The following VSTM4 variants were observed in gnomAD, a reference collection of about 807,000 sequenced individuals.
The protein encoded by VSTM4 is V-set and transmembrane domain containing 4, also known as V-set and transmembrane domain-containing protein 4.
VSTM4 carries 20 observed loss-of-function variants against 36.4 expected under a neutral mutation model. The observed-to-expected ratio is 0.55, with a 90% confidence interval of 0.39 to 0.80. VSTM4 has a LOEUF of 0.80. VSTM4 is among the 30% of genes least tolerant of loss of function. VSTM4 has a pLI of 0.00. For synonymous variants in VSTM4, 182 were observed against 173.9 expected, an observed-to-expected ratio of 1.05 and a Z score of -0.37; for missense variants, 392 against 404.5, an observed-to-expected ratio of 0.97 and a Z score of 0.26.
intron 4 of VSTM4, among the ~76,000 whole-genome samples, chr10:49,075,299 C>T (rs1282023372): frequency 6.6e-6 from 1 of 152,082 alleles, no homozygotes; most frequent in African/African-American, 2.4e-5. Context: ...CGATCATGCC[C>T]CTGAGCCCAG....
At chr10:49,029,043 C>T (rs1428492846) in intron 7 of VSTM4, among the ~76,000 whole-genome samples, 6 of 152,228 alleles carry the variant, frequency 3.9e-5, no homozygotes, top group Non-Finnish European at 7.3e-5. Context: ...CTAACAACAG[C>T]CACTGCACAT....
chr10:49,114,399 G>C (rs1410549595), intron 1 of VSTM4, among the ~76,000 whole-genome samples: 2 of 152,164 alleles, frequency 1.3e-5, no homozygotes, highest in East Asian at 3.8e-4. Flanking sequence ...TGGCAACACA[G>C]TTTAGTGGTT....
At chr10:49,053,445 A>G (rs945886255) in intron 5 of VSTM4, among the ~76,000 whole-genome samples, 15 of 152,150 alleles carry the variant, frequency 9.9e-5, no homozygotes, top group African/African-American at 3.6e-4. Flanking sequence ...TTCTACTTTG[A>G]CCAGAGAGGT....
chr10:49,109,118 C>T (rs1473157049), intron 1 of VSTM4, among the ~76,000 whole-genome samples: 2 of 152,164 alleles, frequency 1.3e-5, no homozygotes, highest in Admixed American at 6.5e-5. Context: ...GGAAGCCATT[C>T]GCCTCCACCC....
intron 5 of VSTM4, among the ~76,000 whole-genome samples, chr10:49,052,517 C>T (rs1319871734): frequency 6.7e-6 from 1 of 148,344 alleles, no homozygotes; most frequent in African/African-American, 2.5e-5. Flanking sequence ...TACAGGTTTG[C>T]AAGCAACTTT....
At chr10:49,079,012 G>A (rs1402760973) in intron 3 of VSTM4, among the ~76,000 whole-genome samples, 1 of 151,204 alleles carries the variant, frequency 6.6e-6, no homozygotes, top group Non-Finnish European at 1.5e-5. Context: ...TTGTATTTTT[G>A]GTAGAGACAG....
intron 7 of VSTM4, among the ~76,000 whole-genome samples, chr10:49,027,498 C>T (rs554407411): frequency 9.9e-5 from 15 of 151,980 alleles, no homozygotes; most frequent in Non-Finnish European, 1.8e-4. Flanking sequence ...TTTGAGGTGC[C>T]CAGTTCTAAG....
At chr10:49,105,251 G>C (rs1844756120) in intron 2 of VSTM4, among the ~76,000 whole-genome samples, 1 of 145,530 alleles carries the variant, frequency 6.9e-6, no homozygotes, top group African/African-American at 2.5e-5. Flanking sequence ...GAGGGAAAGA[G>C]ATAGAAAGCC....
intron 2 of VSTM4, among the ~76,000 whole-genome samples, chr10:49,105,111 C>A (rs1202772203): frequency 1.6e-5 from 2 of 125,256 alleles, no homozygotes; most frequent in Non-Finnish European, 1.7e-5. Context: ...GAGAGAGAGA[C>A]AGAGAGAGAT....
chr10:49,111,278 C>A (rs75127521), intron 1 of VSTM4, among the ~76,000 whole-genome samples: 2 of 152,124 alleles, frequency 1.3e-5, no homozygotes, highest in African/African-American at 4.8e-5. Flanking sequence ...GTTATCTTCC[C>A]CCGCAGTCAT....
At chr10:49,040,179 T>C (rs982680068) in intron 7 of VSTM4, among the ~76,000 whole-genome samples, 1 of 152,232 alleles carries the variant, frequency 6.6e-6, no homozygotes, top group Non-Finnish European at 1.5e-5. Context: ...ATTATCTGAT[T>C]AGCAGAACTT....
chr10:49,063,859 A>G (rs965450088), intron 5 of VSTM4, among the ~76,000 whole-genome samples: 1 of 152,150 alleles, frequency 6.6e-6, no homozygotes, highest in Non-Finnish European at 1.5e-5. Flanking sequence ...TGGAAGAAAA[A>G]GTGAGCTCTT....
chr10:49,053,520 T>C (rs956329750), intron 5 of VSTM4, among the ~76,000 whole-genome samples: 8 of 152,222 alleles, frequency 5.3e-5, no homozygotes, highest in Non-Finnish European at 1.2e-4. Context: ...GGGAGGTGTA[T>C]GTTGGCTATC....
chr10:49,107,077 T>C (rs1844796334), intron 2 of VSTM4, among the ~76,000 whole-genome samples: 1 of 152,226 alleles, frequency 6.6e-6, no homozygotes, highest in Non-Finnish European at 1.5e-5. Context: ...AACCTCTCCC[T>C]ACTGCTTTTT....
chr10:49,080,129 A>T (rs1315586219), intron 3 of VSTM4, among the ~76,000 whole-genome samples: 1 of 152,226 alleles, frequency 6.6e-6, no homozygotes, highest in Non-Finnish European at 1.5e-5. Context: ...CCTTAGTACA[A>T]CTTTCACAAT....
chr10:49,080,778 G>T (rs78363456), intron 3 of VSTM4, among the ~76,000 whole-genome samples: 108 of 152,358 alleles, frequency 7.1e-4, no homozygotes, highest in African/African-American at 2.5e-3. Flanking sequence ...GGAAGCTACT[G>T]GGAAAGTCTT....
At chr10:49,064,276 A>C (rs1457239922) in intron 5 of VSTM4, 1 of 166,930 alleles carries the variant, frequency 6.0e-6, no homozygotes, top group Non-Finnish European at 1.3e-5. Context: ...AATTAGCACT[A>C]TCTCTTATAA....
intron 7 of VSTM4, among the ~76,000 whole-genome samples, chr10:49,030,926 C>G (rs1231309482): frequency 2.0e-5 from 3 of 152,164 alleles, no homozygotes; most frequent in Non-Finnish European, 2.9e-5. Context: ...GGGGAGAGTC[C>G]TAATACCTGG....
chr10:49,020,597 C>G (rs917702974), intron 7 of VSTM4, among the ~76,000 whole-genome samples: 2 of 151,770 alleles, frequency 1.3e-5, no homozygotes, highest in African/African-American at 4.8e-5. Flanking sequence ...ACTGAAAAAA[C>G]TTTTAAATAC....
Sources: gnomAD v4.1 joint callset for allele counts (sites outside exome capture counted in the v4.1 genomes callset) on GRCh38, gnomAD v4.1.1 for gene constraint, MANE v1.5 for transcripts, NCBI Gene and HGNC (gene_info 2026-07-23, HGNC 2026-07-21) for gene names.